VPS13B: variants seen among roughly 807,000 people sequenced by gnomAD.
The protein encoded by VPS13B is intermembrane lipid transfer protein VPS13B.
A neutral mutation model predicts 426.4 loss-of-function variants in VPS13B; 285 were observed. The observed-to-expected ratio is 0.67, with a 90% CI of 0.61 to 0.74. VPS13B has a LOEUF of 0.74. VPS13B is among the 30% of genes least tolerant of loss of function. The pLI is 0.00. For synonymous variants in VPS13B, 1,676 were observed against 1,676.4 expected (o/e 1.00, Z 0.01); for missense variants, 4,537 against 4,782.6 (o/e 0.95, Z 1.51).
chr8:99,639,226 A>G (rs969114453), intron 33 of VPS13B, among the ~76,000 whole-genome samples: 1 of 152,198 alleles, frequency 6.6e-6, no homozygotes, highest in Non-Finnish European at 1.5e-5. Flanking sequence ...TTGTCTTAAC[A>G]CTGTCTGATA....
At position 99,178,098 on chromosome 8, in the gene VPS13B, A is replaced by G. The variant is rs117367286; in HGVS notation, c.2333+7935A>G. 5.2e-3 allele frequency among the ~76,000 whole-genome samples: 782 copies of G among 150,188 alleles called. 13 individuals carry two copies. The highest frequency in any genetic ancestry group is 0.026 in the East Asian group (133 of 5,072). On this transcript the variant is annotated intron_variant, in intron 16 of 61. Transcript: ENST00000357162. ...TAGCCTAGGTTTTCTTTTTATGACT[A>G]CCTTTAAATTTTTTTCTTAACTGTG...
intron 17 of VPS13B, among the ~76,000 whole-genome samples, chr8:99,195,254 T>C (rs1438153844): frequency 6.6e-6 from 1 of 152,262 alleles, no homozygotes; most frequent in Non-Finnish European, 1.5e-5. Context: ...TCATTGTGAA[T>C]TTAATTTACA....
intron 23 of VPS13B, among the ~76,000 whole-genome samples, chr8:99,451,575 G>A (rs978491615): frequency 3.3e-5 from 5 of 152,078 alleles, no homozygotes; most frequent in African/African-American, 4.8e-5. Flanking sequence ...GTAAGTGCTC[G>A]GTAAAAACCA....
intron 33 of VPS13B, among the ~76,000 whole-genome samples, chr8:99,607,877 AATTAT>A (rs1231047941): frequency 6.6e-6 from 1 of 152,106 alleles, no homozygotes; most frequent in East Asian, 1.9e-4. Context: ...AAATTATAAC[AATTAT>A]ATTTTTCAAA....
chr8:99,796,691 G>T (rs1162292579), intron 43 of VPS13B: 1 of 152,248 alleles, frequency 6.6e-6, no homozygotes, highest in Non-Finnish European at 1.5e-5. Context: ...TCTTCTGTGG[G>T]TCTCACCTGG....
chr8:99,374,727 A>T (rs1813389785), intron 19 of VPS13B, among the ~76,000 whole-genome samples: 1 of 152,172 alleles, frequency 6.6e-6, no homozygotes, highest in African/African-American at 2.4e-5. Context: ...TTTATTCCAT[A>T]CTTGAGCTGT....
intron 34 of VPS13B, among the ~76,000 whole-genome samples, chr8:99,646,780 T>C (rs964147899): frequency 1.1e-4 from 16 of 151,948 alleles, no homozygotes; most frequent in Admixed American, 9.8e-4. Context: ...TTCATGAAAG[T>C]TGTGGTTGTT....
At chr8:99,863,705 G>C (rs1173988972) in intron 58 of VPS13B, among the ~76,000 whole-genome samples, 1 of 152,228 alleles carries the variant, frequency 6.6e-6, no homozygotes, top group Non-Finnish European at 1.5e-5. Context: ...CGTGGGTCCT[G>C]TTGACCGGGT....
At chr8:99,553,251 G>A (rs942537277) in intron 30 of VPS13B, among the ~76,000 whole-genome samples, 4 of 152,212 alleles carry the variant, frequency 2.6e-5, no homozygotes, top group East Asian at 1.9e-4. Context: ...TGTTATTGGT[G>A]TTGGCTCCAG....
intron 33 of VPS13B, among the ~76,000 whole-genome samples, chr8:99,605,704 A>G (rs1223009084): frequency 6.6e-6 from 1 of 152,128 alleles, no homozygotes; most frequent in East Asian, 1.9e-4. Context: ...GTGTCTCTCT[A>G]TCTGTGATAA....
At chr8:99,045,823 G>A (rs1843216516) in intron 3 of VPS13B, among the ~76,000 whole-genome samples, 2 of 152,106 alleles carry the variant, frequency 1.3e-5, no homozygotes, top group Non-Finnish European at 2.9e-5. Context: ...CACTTTATGT[G>A]TTTGTTTGCT....
chr8:99,331,335 T>TA (rs764756958), intron 19 of VPS13B, among the ~76,000 whole-genome samples: 18 of 151,812 alleles, frequency 1.2e-4, no homozygotes, highest in Non-Finnish European at 2.4e-4. Flanking sequence ...TTTACTACAG[T>TA]AGCTACTACA....
intron 43 of VPS13B, among the ~76,000 whole-genome samples, chr8:99,805,067 A>AATAT (rs142498493): frequency 8.5e-4 from 126 of 147,834 alleles, no homozygotes; most frequent in African/African-American, 2.6e-3. Context: ...ATATTACCAG[A>AATAT]ATATATATAT....
chr8:99,873,994 C>T (rs192674710), intron 61 of VPS13B, among the ~76,000 whole-genome samples: 2 of 152,318 alleles, frequency 1.3e-5, no homozygotes, highest in Non-Finnish European at 2.9e-5. Flanking sequence ...TTGTAGATGA[C>T]ATCATGCAGT....
chr8:99,487,527 T>C (rs1400937416), intron 25 of VPS13B, among the ~76,000 whole-genome samples: 1 of 152,174 alleles, frequency 6.6e-6, no homozygotes, highest in East Asian at 1.9e-4. Context: ...TCACAGTGCG[T>C]AGCATAACCA....
At chr8:99,360,190 C>CTTTCTT (rs1161185070) in intron 19 of VPS13B, among the ~76,000 whole-genome samples, 70 of 26,994 alleles carry the variant, frequency 2.6e-3, no homozygotes, top group Admixed American at 1.0e-2. Context: ...TTCTTTCTTT[C>CTTTCTT]TCTCTCTCTC....
intron 21 of VPS13B, among the ~76,000 whole-genome samples, chr8:99,404,965 A>G (rs759218070): frequency 6.6e-6 from 1 of 152,224 alleles, no homozygotes; most frequent in African/African-American, 2.4e-5. Flanking sequence ...TGTAGACTTC[A>G]AGCATGGTGA....
rs772244398 is a variant in VPS13B at position 99,102,991 on chromosome 8, G to A, written c.451G>A (p.Val151Ile). ...TCTGATTAGACGAGTTGTAAATAAT[G>A]TAAACATTGTGATAAATAATCTCAT... Reference protein sequence around the residue: ...QSLIRRVVNNVNIVINNLILK... With the variant: ...QSLIRRVVNNINIVINNLILK... The change falls in exon 5 of 62, where the codon GTA becomes ATA. Residue 151 changes from valine (V) to isoleucine (I), a missense_variant. This residue lies in a region of VPS13B where 226 missense variants were observed against 308.3 expected (regional missense o/e 0.73). Coordinates refer to ENST00000357162, the MANE Select transcript of VPS13B (RefSeq NM_152564.5). The A allele has an allele frequency of 6.2e-7, 1 of 1,612,162 alleles. No homozygotes were observed. The highest frequency in any genetic ancestry group is 1.3e-5 in the African/African-American group (1 of 74,970).
intron 33 of VPS13B, among the ~76,000 whole-genome samples, chr8:99,604,732 C>T (rs539073733): frequency 4.6e-5 from 7 of 152,096 alleles, no homozygotes; most frequent in Non-Finnish European, 8.8e-5. Context: ...CCTAGTGATC[C>T]ACCCGCCTCG....
Sources: gnomAD v4.1 joint callset for allele counts (sites outside exome capture counted in the v4.1 genomes callset) on GRCh38, gnomAD v4.1.1 for gene constraint, gnomAD v4.1.1 regional missense constraint, MANE v1.5 for transcripts, NCBI Gene and HGNC (gene_info 2026-07-23, HGNC 2026-07-21) for gene names.